Variants in THSD7A observed in about 807,000 individuals in gnomAD.
THSD7A encodes thrombospondin type 1 domain containing 7A.
A neutral mutation model predicts 231.3 loss-of-function variants in THSD7A; 96 were observed. That is an observed-to-expected ratio of 0.41 (90% confidence interval 0.35 to 0.49). THSD7A has a LOEUF of 0.49. Among genes scored for constraint, THSD7A ranks in the 20% least tolerant of loss-of-function variants. The pLI, the probability that THSD7A is intolerant of heterozygous loss-of-function variation, is 0.05. For synonymous variants in THSD7A, 940 were observed against 743.3 expected (o/e 1.26, Z -4.30); for missense variants, 2,290 against 2,070.2 (o/e 1.11, Z -2.06).
chr7:11,749,578 G>T (rs1311331234), intron 1 of THSD7A, among the ~76,000 whole-genome samples: 1 of 151,896 alleles, frequency 6.6e-6, no homozygotes, highest in Non-Finnish European at 1.5e-5. Flanking sequence ...TTGCTGAAGG[G>T]TATTTGTTTA....
chr7:11,591,034 A>G (rs1464114779), intron 3 of THSD7A, among the ~76,000 whole-genome samples: 1 of 152,122 alleles, frequency 6.6e-6, no homozygotes, highest in African/African-American at 2.4e-5. Context: ...GAACCAAAAC[A>G]TTTGCTTTGC....
chr7:11,479,013 A>T (rs1314991616), intron 7 of THSD7A, among the ~76,000 whole-genome samples: 1 of 152,172 alleles, frequency 6.6e-6, no homozygotes, highest in African/African-American at 2.4e-5. Flanking sequence ...CGACAGATAG[A>T]TTCTCCAAGT....
chr7:11,798,901 T>C (rs1248611690), intron 1 of THSD7A, among the ~76,000 whole-genome samples: 3 of 151,028 alleles, frequency 2.0e-5, no homozygotes, highest in Non-Finnish European at 4.4e-5. Context: ...TGTATTTTGG[T>C]TTAAAGTTGA....
At chr7:11,731,377 T>A (rs188776332) in intron 1 of THSD7A, among the ~76,000 whole-genome samples, 269 of 151,746 alleles carry the variant, frequency 1.8e-3, no homozygotes, top group Non-Finnish European at 3.4e-3. Flanking sequence ...TTCTTCTTAA[T>A]AAGGTCTTAT....
At chr7:11,813,557 CA>C (rs1784591764) in intron 1 of THSD7A, among the ~76,000 whole-genome samples, 1 of 151,618 alleles carries the variant, frequency 6.6e-6, no homozygotes, top group African/African-American at 2.4e-5. Context: ...ACTAAAATTA[CA>C]AAAAATTAAC....
chr7:11,475,659 A>G (rs1424961813), intron 7 of THSD7A, among the ~76,000 whole-genome samples: 1 of 149,266 alleles, frequency 6.7e-6, no homozygotes, highest in African/African-American at 2.4e-5. Context: ...TGAATCCTGC[A>G]TTCTTCAAAT....
intron 4 of THSD7A, among the ~76,000 whole-genome samples, chr7:11,549,186 A>T (rs1313436199): frequency 6.6e-6 from 1 of 152,226 alleles, no homozygotes; most frequent in Non-Finnish European, 1.5e-5. Flanking sequence ...TTAAAACCAC[A>T]ATGAGATATC....
intron 4 of THSD7A, among the ~76,000 whole-genome samples, chr7:11,568,952 G>T (rs189709600): frequency 8.3e-4 from 115 of 138,556 alleles, no homozygotes; most frequent in Non-Finnish European, 1.3e-3. Context: ...TATTGAAAAA[G>T]AAATCAAGAA....
intron 11 of THSD7A, among the ~76,000 whole-genome samples, 155 bp from the exon 12 acceptor site, chr7:11,447,579 C>T (rs1785013604): frequency 6.6e-6 from 1 of 152,066 alleles, no homozygotes; most frequent in Non-Finnish European, 1.5e-5. Context: ...CTAATAATCC[C>T]AGTAGCCATT....
intron 2 of THSD7A, among the ~76,000 whole-genome samples, chr7:11,609,393 A>G (rs997169218): frequency 5.3e-5 from 8 of 152,136 alleles, no homozygotes; most frequent in African/African-American, 1.9e-4. Flanking sequence ...ATTAAATTTG[A>G]ATTAGCAAAT....
chr7:11,661,782 T>C (rs1337043991), intron 1 of THSD7A, among the ~76,000 whole-genome samples: 3 of 151,324 alleles, frequency 2.0e-5, no homozygotes, highest in African/African-American at 7.3e-5. Context: ...CCAGTGAATA[T>C]TGAATGCATA....
chr7:11,752,351 G>A (rs1782531376), intron 1 of THSD7A, among the ~76,000 whole-genome samples: 1 of 151,848 alleles, frequency 6.6e-6, no homozygotes, highest in Non-Finnish European at 1.5e-5. Context: ...ATATGTTCCT[G>A]TGCACCCCCA....
At chr7:11,698,573 G>T (rs946193915) in intron 1 of THSD7A, among the ~76,000 whole-genome samples, 1 of 151,378 alleles carries the variant, frequency 6.6e-6, no homozygotes, top group Admixed American at 6.6e-5. Context: ...CTGCACAGAA[G>T]AAAGACTGCA....
rs1583640847 is a variant in THSD7A, at chr7:11,382,741, T to A, written c.4412-125A>T. The A allele has an allele frequency of 8.8e-6, 7 of 792,552 alleles. No individual in the cohort carries two copies. The East Asian group carries it at 1.9e-4, about 22-fold the overall frequency. The allele number at this position is 792,552 out of a possible 1,614,324, so 49.1% of individuals were successfully genotyped here. A position where few individuals can be genotyped will look rare whatever the true frequency, so the allele number is the denominator to read the frequency against. The stretch of plus-strand genomic sequence containing the variant: ...TCATCTCTGATGATTCAAATGTCAA[T>A]TTATTGTCCTGAAGTTGCCATGCAT... On this transcript the variant is annotated intron_variant, in intron 23 of 27. Transcript: ENST00000423059.
intron 1 of THSD7A, among the ~76,000 whole-genome samples, chr7:11,801,419 G>A (rs913630822): frequency 3.9e-5 from 6 of 152,040 alleles, no homozygotes; most frequent in South Asian, 2.1e-4. Flanking sequence ...AAGCATGTGC[G>A]AAGTATGGAT....
At chr7:11,684,651 T>A (rs1264068374) in intron 1 of THSD7A, among the ~76,000 whole-genome samples, 2 of 151,750 alleles carry the variant, frequency 1.3e-5, no homozygotes, top group East Asian at 3.9e-4. Flanking sequence ...ATACAAAAAA[T>A]ATCTAAAAAT....
At chr7:11,699,917 G>A (rs1008892767) in intron 1 of THSD7A, among the ~76,000 whole-genome samples, 13 of 151,248 alleles carry the variant, frequency 8.6e-5, no homozygotes, top group Non-Finnish European at 5.9e-5. Context: ...GTCCCAGTAC[G>A]TCTTGTCTTA....
intron 1 of THSD7A, among the ~76,000 whole-genome samples, chr7:11,715,463 G>T (rs902278289): frequency 6.6e-6 from 1 of 151,440 alleles, no homozygotes; most frequent in Non-Finnish European, 1.5e-5. Flanking sequence ...TTAATTAACT[G>T]CTAACAAGTG....
At chr7:11,684,340 T>C (rs1299484521) in intron 1 of THSD7A, among the ~76,000 whole-genome samples, 1 of 151,516 alleles carries the variant, frequency 6.6e-6, no homozygotes, top group African/African-American at 2.4e-5. Flanking sequence ...AGGATGTTTG[T>C]TCTCATGACT....
Sources: allele counts gnomAD v4.1 joint callset (sites outside exome capture counted in the v4.1 genomes callset), GRCh38; gene constraint gnomAD v4.1.1; transcripts MANE v1.5; gene names NCBI Gene and HGNC (gene_info 2026-07-23, HGNC 2026-07-21).